Variants in ZFHX3 observed in about 807,000 individuals in gnomAD.
The protein encoded by ZFHX3 is zinc finger homeobox protein 3.
ZFHX3 carries 42 observed loss-of-function variants against 279.1 expected under a neutral mutation model. The ratio of observed to expected loss-of-function variants is 0.15; its 90% confidence interval spans 0.12 to 0.19. The LOEUF is 0.19. Ranked by LOEUF, ZFHX3 falls within the 10% of genes least tolerant of loss-of-function variation. The pLI, the probability that ZFHX3 is intolerant of heterozygous loss-of-function variation, is 1.00. For missense variants in ZFHX3, 4,981 were observed against 4,754.0 expected, an observed-to-expected ratio of 1.05 and a Z score of -1.40; for synonymous variants, 2,293 against 1,957.8, an observed-to-expected ratio of 1.17 and a Z score of -4.52.
At chr16:73,049,558 A>G (rs1349607713), upstream of ZFHX3, among the ~76,000 whole-genome samples, 1 of 152,182 alleles carries the variant, frequency 6.6e-6, no homozygotes, top group Non-Finnish European at 1.5e-5. Flanking sequence ...CCCTTTCTAC[A>G]TTTTAGTCCA....
intron 1 of ZFHX3, among the ~76,000 whole-genome samples, chr16:73,886,817 G>A (rs1008361668): frequency 2.0e-5 from 3 of 152,208 alleles, no homozygotes; most frequent in South Asian, 2.1e-4. Context: ...CTATCACTGT[G>A]AAAGAAATCA....
chr16:73,260,108 C>T (rs1307772905), intron 4 of ZFHX3, among the ~76,000 whole-genome samples: 1 of 152,070 alleles, frequency 6.6e-6, no homozygotes, highest in African/African-American at 2.4e-5. Context: ...AGGACCTTGA[C>T]ATTTTTGAAG....
chr16:73,686,840 G>T (rs1338538791), intron 1 of ZFHX3, among the ~76,000 whole-genome samples: 1 of 151,570 alleles, frequency 6.6e-6, no homozygotes, highest in African/African-American at 2.4e-5. Context: ...AAGCTTAAAG[G>T]AAAGGAGCAT....
At chr16:72,804,303 T>G (rs946320138) in intron 7 of ZFHX3, among the ~76,000 whole-genome samples, 1 of 152,228 alleles carries the variant, frequency 6.6e-6, no homozygotes, top group African/African-American at 2.4e-5. Context: ...TGCTGCATGC[T>G]TCTGAGATGC....
intron 7 of ZFHX3, among the ~76,000 whole-genome samples, chr16:72,803,040 C>A (rs558747790): frequency 2.0e-4 from 31 of 152,284 alleles, no homozygotes; most frequent in African/African-American, 6.3e-4. Flanking sequence ...AAAGTAATAA[C>A]CCAGCTGTCG....
At chr16:73,036,143 C>G (rs1964894025) in intron 1 of ZFHX3, among the ~76,000 whole-genome samples, 1 of 152,204 alleles carries the variant, frequency 6.6e-6, no homozygotes, top group African/African-American at 2.4e-5. Flanking sequence ...CAGACTCTCT[C>G]TCTCTCTGTC....
chr16:73,783,876 G>A (rs145486633), intron 1 of ZFHX3, among the ~76,000 whole-genome samples: 1 of 152,298 alleles, frequency 6.6e-6, no homozygotes, highest in African/African-American at 2.4e-5. Flanking sequence ...TCAGCACTGA[G>A]TTTCACCTCA....
chr16:73,636,969 A>G (rs957571672), intron 2 of ZFHX3, among the ~76,000 whole-genome samples: 5 of 152,164 alleles, frequency 3.3e-5, no homozygotes, highest in African/African-American at 9.6e-5. Context: ...GGGAACAAAC[A>G]TGATATAATA....
chr16:73,501,861 G>T (rs1055582861), intron 2 of ZFHX3, among the ~76,000 whole-genome samples: 58 of 152,246 alleles, frequency 3.8e-4, no homozygotes, highest in African/African-American at 1.3e-3. Context: ...CCAACGTCTC[G>T]TCTGTAAGGG....
intron 2 of ZFHX3, among the ~76,000 whole-genome samples, chr16:73,565,358 T>G (rs1230486855): frequency 6.6e-6 from 1 of 152,228 alleles, no homozygotes; most frequent in Non-Finnish European, 1.5e-5. Flanking sequence ...TAGTTTCACA[T>G]TGATGGCATC....
At chr16:73,384,596 G>C (rs1338552796) in intron 3 of ZFHX3, among the ~76,000 whole-genome samples, 2 of 152,180 alleles carry the variant, frequency 1.3e-5, no homozygotes, top group Non-Finnish European at 2.9e-5. Context: ...CATAACTTGA[G>C]TCAGCTGTAA....
intron 7 of ZFHX3, among the ~76,000 whole-genome samples, chr16:73,104,193 T>G (rs1197858972): frequency 6.7e-6 from 1 of 148,872 alleles, no homozygotes; most frequent in Non-Finnish European, 1.5e-5. Context: ...CGTTTTGGAA[T>G]TATGTGCTCC....
intron 3 of ZFHX3, among the ~76,000 whole-genome samples, chr16:73,448,947 G>C (rs935624259): frequency 8.5e-5 from 13 of 152,098 alleles, no homozygotes; most frequent in African/African-American, 3.1e-4. Context: ...ACATCCAAAA[G>C]ACAAGAAAGC....
chr16:73,273,077 A>G (rs1287385328), intron 4 of ZFHX3, among the ~76,000 whole-genome samples: 2 of 152,190 alleles, frequency 1.3e-5, no homozygotes, highest in Non-Finnish European at 2.9e-5. Context: ...AAAGAAAAAT[A>G]CCACTAGACA....
chr16:73,015,040 CTT>C (rs67778248), intron 1 of ZFHX3: 1,908 of 94,944 alleles, frequency 0.02, 43 homozygotes, highest in African/African-American at 0.064. Context: ...AGAGCTGTGT[CTT>C]TTTTTTTTTT....
At chr16:72,804,971 T>C (rs919354007) in intron 7 of ZFHX3, among the ~76,000 whole-genome samples, 2 of 151,858 alleles carry the variant, frequency 1.3e-5, no homozygotes, top group African/African-American at 4.8e-5. Context: ...AGAGATTTTA[T>C]TTATTTATTT....
chr16:73,708,079 T>TGGGG (rs57694938), intron 1 of ZFHX3, among the ~76,000 whole-genome samples: 3 of 144,218 alleles, frequency 2.1e-5, no homozygotes, highest in Admixed American at 1.4e-4. Flanking sequence ...TTGGGTGTGG[T>TGGGG]GGGGGGGGGA....
At chr16:73,732,390 C>T (rs2053576572) in intron 1 of ZFHX3, among the ~76,000 whole-genome samples, 1 of 152,164 alleles carries the variant, frequency 6.6e-6, no homozygotes. Flanking sequence ...TTTAAATAAA[C>T]AGTGAAATAC....
chr16:73,544,456 G>A (rs1451590485), intron 2 of ZFHX3, among the ~76,000 whole-genome samples: 1 of 152,286 alleles, frequency 6.6e-6, no homozygotes, highest in Admixed American at 6.5e-5. Context: ...GAACTCTTTG[G>A]GAAGGGTAGG....
Sources: gnomAD v4.1 joint callset for allele counts (sites outside exome capture counted in the v4.1 genomes callset) on GRCh38, gnomAD v4.1.1 for gene constraint, MANE v1.5 for transcripts, NCBI Gene and HGNC (gene_info 2026-07-23, HGNC 2026-07-21) for gene names.